The following DMBT1 variants were observed in gnomAD, a reference collection of about 807,000 sequenced individuals.
The protein encoded by DMBT1 is deleted in malignant brain tumors 1.
DMBT1 carries 198 observed loss-of-function variants against 252.9 expected under a neutral mutation model. That is an observed-to-expected ratio of 0.78 (90% CI 0.70 to 0.88). The LOEUF is 0.88. Among genes scored for constraint, DMBT1 ranks in the 40% least tolerant of loss-of-function variants. The pLI is 0.00. For synonymous variants in DMBT1, 990 were observed against 942.7 expected, an observed-to-expected ratio of 1.05 and a Z score of -0.92; for missense variants, 2,432 against 2,404.7, an observed-to-expected ratio of 1.01 and a Z score of -0.24.
chr10:122,632,991 C>A (rs987740911), intron 51 of DMBT1, 101 bp downstream of exon 51: 2 of 1,566,076 alleles, frequency 1.3e-6, no homozygotes, highest in East Asian at 2.3e-5. Flanking sequence ...ATGGCTTCCC[C>A]CAAAGTGGTC....
At chr10:122,586,629 G>T (rs1406165671) in intron 16 of DMBT1, among the ~76,000 whole-genome samples, 1 of 148,460 alleles carries the variant, frequency 6.7e-6, no homozygotes, top group African/African-American at 2.4e-5. Flanking sequence ...GGCAGCGCAA[G>T]CAGAGGGAGA....
chr10:122,593,118 C>G (rs1287716548), intron 20 of DMBT1, among the ~76,000 whole-genome samples: 1 of 148,908 alleles, frequency 6.7e-6, no homozygotes, highest in Non-Finnish European at 1.5e-5. Context: ...AGTCCTTGAC[C>G]TCAGGTCCTC....
chr10:122,629,829 C>A lies in DMBT1; in HGVS notation c.5669-11C>A. 6.2e-7 allele frequency: 1 copy of A among 1,613,006 alleles called. No homozygotes were observed. Among genetic ancestry groups the A allele is most frequent in the Non-Finnish European group, 8.5e-7 (1 of 1,179,474 alleles). The stretch of plus-strand genomic sequence containing the variant: ...CTGGTACAATGGAGATGTCCCCTCT[C>A]TCCTCTCTAGGACCCTCTTCAAATT... On this transcript the variant is annotated splice_polypyrimidine_tract_variant and intron_variant, in intron 46 of 55. Coordinates refer to ENST00000338354, the MANE Select transcript of DMBT1 (RefSeq NM_001377530.1).
chr10:122,624,883 T>A (rs2098105268), intron 44 of DMBT1, among the ~76,000 whole-genome samples: 1 of 148,070 alleles, frequency 6.8e-6, no homozygotes, highest in African/African-American at 2.5e-5. Context: ...TATTTTAGTG[T>A]GTGGTTTTCT....
chr10:122,600,578 TA>T (rs2097940708), intron 27 of DMBT1, among the ~76,000 whole-genome samples: 1 of 152,178 alleles, frequency 6.6e-6, no homozygotes, highest in Non-Finnish European at 1.5e-5. Context: ...AGAGGGATAA[TA>T]AAGGTTTGTG....
In DMBT1 at chr10:122,590,690, G is replaced by T. The variant is rs1036255974; in HGVS notation, c.2133G>T (p.Arg711Ser). 19 of 1,587,508 alleles carry T rather than the reference G, an allele frequency of 1.2e-5. 4 individuals carry two copies. Among genetic ancestry groups the T allele is most frequent in the South Asian group, 4.6e-5 (4 of 86,892 alleles). Residue 711 changes from arginine to serine, a missense_variant, in exon 18 of 56, where the codon AGG becomes AGT. By Grantham distance (110) the Arg-to-Ser change is moderately radical. Around this residue, in one of 3 missense-constraint regions of DMBT1, gnomAD observed 1,264 missense variants for 1,082.2 expected, o/e 1.17. Transcript: ENST00000338354. ...CTGCCCAGTCCCGGTCGACGCCCAGGCCAGGTGAGTCCCCAGTGTCCTTCC... is the reference window on the plus strand; with the variant it reads ...CTGCCCAGTCCCGGTCGACGCCCAGTCCAGGTGAGTCCCCAGTGTCCTTCC... ...CSAAQSRSTP[R>S]PDTLSTITLP...
At chr10:122,618,536 G>T (rs1035086947) in intron 41 of DMBT1, among the ~76,000 whole-genome samples, 196 bp downstream of exon 41, 3 of 152,198 alleles carry the variant, frequency 2.0e-5, no homozygotes, top group Non-Finnish European at 4.4e-5. Flanking sequence ...TTAGGCCAGG[G>T]CTCCGAACTG....
intron 42 of DMBT1, among the ~76,000 whole-genome samples, 172 bp downstream of exon 42, chr10:122,619,509 T>G (rs2098040705): frequency 6.6e-6 from 1 of 152,344 alleles, no homozygotes; most frequent in East Asian, 1.9e-4. Context: ...AGACATAGGG[T>G]TCAGGAGGCT....
At position 122,631,293 on chromosome 10, in the gene DMBT1, T is replaced by C; in HGVS notation, c.6346+12T>C. On this transcript the variant is annotated intron_variant, in intron 49 of 55. Coordinates refer to ENST00000338354, the MANE Select transcript of DMBT1 (RefSeq NM_001377530.1). ...TGTCATCTGCTCAGGTATGGCCCAA[T>C]GCCATGGAAGGCCCATTTCACCTGT... The C allele has an allele frequency of 6.2e-7, 1 of 1,608,262 alleles. No homozygotes were observed. The highest frequency in any genetic ancestry group is 8.5e-7 in the Non-Finnish European group (1 of 1,175,162).
intron 46 of DMBT1, among the ~76,000 whole-genome samples, chr10:122,628,291 G>A (rs542023581): frequency 6.6e-6 from 1 of 152,322 alleles, no homozygotes; most frequent in South Asian, 2.1e-4. Context: ...GGTGAATCGA[G>A]AAACAAATAT....
intron 41 of DMBT1, 132 bp from the exon 42 acceptor site, chr10:122,619,176 A>G (rs960341082): frequency 1.2e-5 from 14 of 1,183,078 alleles, no homozygotes; most frequent in Non-Finnish European, 1.8e-5. Context: ...TTACATGGCA[A>G]TGCCCCTCCC....
intron 15 of DMBT1, 61 bp downstream of exon 15, chr10:122,585,370 T>G (rs1164966205): frequency 6.5e-7 from 1 of 1,547,294 alleles, no homozygotes. Flanking sequence ...AATGTTTTTT[T>G]CTGAAATGAT....
Position 122,577,818 on chromosome 10 carries a change from G to T in DMBT1, c.615G>T (p.Gln205His), listed in dbSNP as rs2133547568. ...EDAGVICSAAQPQSTLRPESW... is the reference protein window; with the variant it reads ...EDAGVICSAAHPQSTLRPESW... Reference sequence around the variant, plus strand: ...GCTATTTTTTTCTCACAGCTGCCCAGCCTCAGTCAACACTCAGGCCAGGTG... The same window carrying T: ...GCTATTTTTTTCTCACAGCTGCCCATCCTCAGTCAACACTCAGGCCAGGTG... The change falls in exon 8 of 56, where the codon CAG becomes CAT. Residue 205 changes from glutamine (Q) to histidine (H), a missense_variant. Transcript: ENST00000338354. 2 of 1,613,654 alleles carry T rather than the reference G, an allele frequency of 1.2e-6. No homozygotes were observed. The highest frequency in any genetic ancestry group is 2.2e-5 in the South Asian group (2 of 91,002).
At chr10:122,630,891 C>T (rs2098159393) in intron 48 of DMBT1, 70 bp from the exon 49 acceptor site, 2 of 1,497,524 alleles carry the variant, frequency 1.3e-6, no homozygotes, top group African/African-American at 1.4e-5. Flanking sequence ...GGATGCTTGG[C>T]CTTTGAGGTT....
At chr10:122,600,464 T>A (rs912890864) in intron 27 of DMBT1, among the ~76,000 whole-genome samples, 1 of 152,212 alleles carries the variant, frequency 6.6e-6, no homozygotes, top group African/African-American at 2.4e-5. Flanking sequence ...CAAGGCATCA[T>A]CAGGGCAGGC....
At position 122,585,380 on chromosome 10, in the gene DMBT1, T is replaced by G. The variant is rs2097780907; in HGVS notation, c.1459+71T>G. On this transcript the variant is annotated intron_variant, in intron 15 of 55. Transcript: ENST00000338354. The stretch of plus-strand genomic sequence containing the variant: ...GGACAAATGTTTTTTTCTGAAATGA[T>G]AGGATGAGGGTCAAGGTGGGCCCCT... 3 of 1,529,924 alleles carry G rather than the reference T, an allele frequency of 2.0e-6. 1 individual carries two copies. The highest frequency in any genetic ancestry group is 2.7e-6 in the Non-Finnish European group (3 of 1,117,844). The allele number at this position is 1,529,924 out of a possible 1,614,324, so 94.8% of individuals were successfully genotyped here.
rs373323298 is a variant in DMBT1, at chr10:122,585,317, A to G, written c.1459+8A>G. Reference sequence around the variant, plus strand: ...TACCTGCATCGACAGTAGGTAAATAATCCTCTCGCCCCTCCCTAGGGCTCA... The same window carrying G: ...TACCTGCATCGACAGTAGGTAAATAGTCCTCTCGCCCCTCCCTAGGGCTCA... On this transcript the variant is annotated splice_region_variant and intron_variant, in intron 15 of 55. Coordinates refer to ENST00000338354, the MANE Select transcript of DMBT1 (RefSeq NM_001377530.1). The G allele has an allele frequency of 3.8e-6, 6 of 1,584,764 alleles. No individual in the cohort carries two copies. In the East Asian group the frequency reaches 1.4e-4, roughly 37 times the overall value.
intron 6 of DMBT1, among the ~76,000 whole-genome samples, chr10:122,576,069 G>A (rs1960178): frequency 0.64 from 97,254 of 151,998 alleles, 31,601 homozygotes; most frequent in Admixed American, 0.73. Context: ...TCAGTGTGGG[G>A]TGTTGTGTGT....
At chr10:122,568,555 G>A (rs113260279) in intron 2 of DMBT1, among the ~76,000 whole-genome samples, 64 of 152,224 alleles carry the variant, frequency 4.2e-4, no homozygotes, top group Admixed American at 7.8e-4. Context: ...CAAGGGGGCC[G>A]AGAGCACCAA....
Sources: allele counts gnomAD v4.1 joint callset (sites outside exome capture counted in the v4.1 genomes callset), GRCh38; gene constraint gnomAD v4.1.1; regional missense constraint gnomAD v4.1.1; transcripts MANE v1.5; gene names NCBI Gene and HGNC (gene_info 2026-07-23, HGNC 2026-07-21).